The following C8orf76 variants were observed in gnomAD, a reference collection of about 807,000 sequenced individuals.
The protein encoded by C8orf76 is uncharacterized protein C8orf76.
In C8orf76, 46 loss-of-function variants were observed where a neutral mutation model predicts 38.1. The observed-to-expected ratio is 1.21, with a 90% CI of 0.95 to 1.54. C8orf76 has a LOEUF of 1.54. Among genes scored for constraint, C8orf76 ranks in the 40% most tolerant of loss-of-function variants. C8orf76 has a pLI of 0.00. For synonymous variants in C8orf76, 166 were observed against 167.5 expected (o/e 0.99, Z 0.07); for missense variants, 461 against 441.6 (o/e 1.04, Z -0.39).
intron 3 of C8orf76, among the ~76,000 whole-genome samples, chr8:123,237,458 G>C (rs1183101196): frequency 6.6e-6 from 1 of 152,078 alleles, no homozygotes. Context: ...TAGAAATTTT[G>C]GAGAACAACG....
chr8:123,227,979 G>T (rs1340224716), intron 4 of C8orf76, among the ~76,000 whole-genome samples: 1 of 152,044 alleles, frequency 6.6e-6, no homozygotes, highest in African/African-American at 2.4e-5. Context: ...ATATACTCCA[G>T]GCACCCGCGA....
rs1436787201 is a variant in C8orf76 at position 123,240,380 on chromosome 8, G to T, written c.117+850C>A. Among the ~76,000 whole-genome samples the T allele has an allele frequency of 3.3e-5, 5 of 152,214 alleles. No individual in the cohort carries two copies. The East Asian group carries it at 9.6e-4, about 29-fold the overall frequency. On this transcript the variant is annotated intron_variant, in intron 1 of 5. Transcript: ENST00000276704. ...AAACACAATTCAGTAATTATCGAGT[G>T]CCTGGCATCTTGTCAGTACAATTGT...
intron 4 of C8orf76, among the ~76,000 whole-genome samples, chr8:123,229,342 T>A (rs568543319): frequency 1.7e-4 from 26 of 152,302 alleles, no homozygotes; most frequent in African/African-American, 6.0e-4. Context: ...TCTAGTGGGA[T>A]CCCAATAGGT....
chr8:123,236,194 T>TA (rs1041989843), intron 3 of C8orf76, among the ~76,000 whole-genome samples: 1 of 152,170 alleles, frequency 6.6e-6, no homozygotes, highest in African/African-American at 2.4e-5. Flanking sequence ...TTCTCTTAGT[T>TA]AATGAGATGG....
At chr8:123,240,046 G>A (rs1825629535) in intron 1 of C8orf76, 2 of 151,454 alleles carry the variant, frequency 1.3e-5, no homozygotes, top group Admixed American at 1.3e-4. Flanking sequence ...TAAATTCTAT[G>A]CACCTGTACA....
intron 5 of C8orf76, 148 bp from the exon 6 acceptor site, chr8:123,220,445 CAGA>C (rs1254448059): frequency 1.6e-6 from 1 of 611,222 alleles, no homozygotes; most frequent in Non-Finnish European, 2.8e-6. Flanking sequence ...GATGTTTGTT[CAGA>C]AGTAGTTATC....
At chr8:123,238,868 A>G (rs1563802720) in intron 2 of C8orf76, 181 bp downstream of exon 2, 1 of 569,456 alleles carries the variant, frequency 1.8e-6, no homozygotes, top group Non-Finnish European at 3.0e-6. Context: ...CAGAAAACAA[A>G]CAAATCATAC....
At chr8:123,230,958 A>C (rs559273221) in intron 4 of C8orf76, among the ~76,000 whole-genome samples, 139 of 151,924 alleles carry the variant, frequency 9.1e-4, no homozygotes, top group Non-Finnish European at 1.8e-3. Flanking sequence ...CGCATAGTTA[A>C]CTTTTCAAAA....
chr8:123,231,541 G>C lies in C8orf76; in HGVS notation c.574C>G (p.His192Asp), dbSNP rs751080804. 7.4e-6 allele frequency: 12 copies of C among 1,614,116 alleles called. No homozygotes were observed. The highest frequency in any genetic ancestry group is 1.0e-5 in the Non-Finnish European group (12 of 1,180,050). ...GTTTTGTCACTTGAGGTGAAACTGT[G>C]CTGTTTCTGAGATGACGCAAGTGCT... ...SAALASSQKQ[H>D]SFTSSDKTIK... Residue 192 changes from histidine (H) to aspartate (D), a missense_variant, in exon 4 of 6, where the codon CAC (histidine) becomes GAC (aspartate). His to Asp is a moderately conservative substitution (Grantham distance 81). Coordinates refer to ENST00000276704, the MANE Select transcript of C8orf76 (RefSeq NM_032847.3).
intron 2 of C8orf76, 135 bp from the exon 3 acceptor site, chr8:123,238,076 A>G: frequency 1.8e-6 from 2 of 1,107,782 alleles, no homozygotes; most frequent in Non-Finnish European, 2.5e-6. Context: ...GAATATTTAA[A>G]TGAATTAAAG....
intron 5 of C8orf76, among the ~76,000 whole-genome samples, chr8:123,223,331 G>T (rs780933159): frequency 1.3e-5 from 2 of 152,218 alleles, no homozygotes; most frequent in Non-Finnish European, 2.9e-5. Flanking sequence ...GACTTAGCCG[G>T]GTGCAGTGGC....
At chr8:123,230,870 G>T (rs1563799438) in intron 4 of C8orf76, among the ~76,000 whole-genome samples, 2 of 152,052 alleles carry the variant, frequency 1.3e-5, no homozygotes, top group Non-Finnish European at 2.9e-5. Context: ...GGCTGGTCTC[G>T]ATCTTCTGAC....
chr8:123,240,447 G>A (rs539154080), intron 1 of C8orf76, among the ~76,000 whole-genome samples: 1 of 152,354 alleles, frequency 6.6e-6, no homozygotes, highest in East Asian at 1.9e-4. Flanking sequence ...ACCCACCACA[G>A]TGCCCGGAAC....
intron 2 of C8orf76, 127 bp downstream of exon 2, chr8:123,238,922 T>C (rs1825589195): frequency 3.2e-6 from 3 of 944,164 alleles, no homozygotes; most frequent in African/African-American, 3.3e-5. Flanking sequence ...CCTCAGATTA[T>C]AAACACACAT....
intron 1 of C8orf76, among the ~76,000 whole-genome samples, 199 bp downstream of exon 1, chr8:123,241,031 A>G (rs940576540): frequency 5.3e-5 from 8 of 152,292 alleles, no homozygotes; most frequent in African/African-American, 1.9e-4. Context: ...CAACGCGGGG[A>G]TTCTCGCCCA....
chr8:123,229,406 T>C (rs747314880), intron 4 of C8orf76, among the ~76,000 whole-genome samples: 28 of 152,308 alleles, frequency 1.8e-4, no homozygotes, highest in Middle Eastern at 6.8e-3. Context: ...CATCTAGCAC[T>C]CAGTCAACTG....
intron 5 of C8orf76, among the ~76,000 whole-genome samples, chr8:123,221,593 G>T (rs963065034): frequency 1.2e-4 from 18 of 152,100 alleles, no homozygotes; most frequent in African/African-American, 4.3e-4. Context: ...GTGCCACCAT[G>T]CCCAGCTAAT....
chr8:123,233,717 A>G (rs1203505378), intron 3 of C8orf76, among the ~76,000 whole-genome samples: 1 of 151,372 alleles, frequency 6.6e-6, no homozygotes, highest in Non-Finnish European at 1.5e-5. Context: ...GTGGATTAGT[A>G]AACTCCTTCT....
intron 3 of C8orf76, chr8:123,237,055 A>T: frequency 7.7e-7 from 1 of 1,295,890 alleles, no homozygotes; most frequent in Admixed American, 1.7e-5. Context: ...TGCGCCTGCG[A>T]GGTGGCATTA....
Sources: gnomAD v4.1 joint callset for allele counts (sites outside exome capture counted in the v4.1 genomes callset) on GRCh38, gnomAD v4.1.1 for gene constraint, MANE v1.5 for transcripts, NCBI Gene and HGNC (gene_info 2026-07-23, HGNC 2026-07-21) for gene names.